Variants in CASQ2 observed in about 807,000 individuals in gnomAD.
CASQ2 encodes calsequestrin 2, also known as calsequestrin-2.
In CASQ2, 49 loss-of-function variants were observed where a neutral mutation model predicts 46.5. The ratio of observed to expected loss-of-function variants is 1.05; its 90% CI spans 0.84 to 1.34. The LOEUF (loss-of-function observed/expected upper bound fraction) is 1.34, where lower values mean the gene tolerates loss of function less well. Ranked by LOEUF, CASQ2 falls within the 40% of genes most tolerant of loss-of-function variation. The pLI, the probability that CASQ2 is intolerant of heterozygous loss-of-function variation, is 0.00. For missense variants in CASQ2, 486 were observed against 481.3 expected (o/e 1.01, Z -0.09); for synonymous variants, 174 against 168.5 (o/e 1.03, Z -0.25).
chr1:115,713,671 T>C (rs1570803741), intron 8 of CASQ2, among the ~76,000 whole-genome samples: 1 of 152,170 alleles, frequency 6.6e-6, no homozygotes, highest in African/African-American at 2.4e-5. Flanking sequence ...TTTTCTTCCC[T>C]AACTAGGCTC....
chr1:115,761,934 A>G (rs1648977277), intron 1 of CASQ2, among the ~76,000 whole-genome samples: 1 of 152,218 alleles, frequency 6.6e-6, no homozygotes, highest in Admixed American at 6.5e-5. Context: ...CTGCCATTTA[A>G]TACCGAAGAA....
At chr1:115,712,229 C>T (rs1420882276) in intron 8 of CASQ2, among the ~76,000 whole-genome samples, 3 of 152,160 alleles carry the variant, frequency 2.0e-5, no homozygotes, top group Non-Finnish European at 4.4e-5. Context: ...GTCAGACATC[C>T]GCGTAGGACA....
chr1:115,744,938 T>G (rs770267264), intron 1 of CASQ2, 26 bp from the exon 2 acceptor site: 2 of 1,500,068 alleles, frequency 1.3e-6, no homozygotes, highest in Non-Finnish European at 9.3e-7. Flanking sequence ...GAAAGATGAG[T>G]GTGCTAAGGG....
chr1:115,704,063 G>A (rs1654291522), intron 9 of CASQ2, among the ~76,000 whole-genome samples: 1 of 152,188 alleles, frequency 6.6e-6, no homozygotes, highest in African/African-American at 2.4e-5. Flanking sequence ...CCATGACTTT[G>A]TTATAATTAC....
intron 3 of CASQ2, among the ~76,000 whole-genome samples, chr1:115,739,080 GAA>G: frequency 7.1e-6 from 1 of 141,672 alleles, no homozygotes; most frequent in South Asian, 2.3e-4. Context: ...AAAAAAAGCT[GAA>G]TAGTATTCCC....
intron 1 of CASQ2, among the ~76,000 whole-genome samples, chr1:115,756,433 T>C (rs1648762279): frequency 6.6e-6 from 1 of 152,194 alleles, no homozygotes; most frequent in Admixed American, 6.5e-5. Context: ...TCATTTTGAA[T>C]GAGCACTAAA....
At chr1:115,761,411 G>A (rs1207162691) in intron 1 of CASQ2, among the ~76,000 whole-genome samples, 2 of 76 alleles carry the variant, frequency 0.026, no homozygotes, top group Non-Finnish European at 0.043. Context: ...AAAAGAAGAA[G>A]AAGAAGAAGA....
At chr1:115,712,062 C>G (rs1654565030) in intron 8 of CASQ2, among the ~76,000 whole-genome samples, 1 of 152,140 alleles carries the variant, frequency 6.6e-6, no homozygotes, top group South Asian at 2.1e-4. Flanking sequence ...TCAGAAAGAC[C>G]TTGTTGGTCT....
chr1:115,717,006 C>G (rs1221865965), intron 8 of CASQ2, among the ~76,000 whole-genome samples: 1 of 152,152 alleles, frequency 6.6e-6, no homozygotes, highest in Middle Eastern at 3.2e-3. Context: ...CCATTCCCCA[C>G]TTGGTATGAG....
intron 3 of CASQ2, among the ~76,000 whole-genome samples, chr1:115,739,190 C>A (rs1648080671): frequency 7.4e-6 from 1 of 135,102 alleles, no homozygotes; most frequent in African/African-American, 2.6e-5. Flanking sequence ...AGGCTCACTG[C>A]AAGCTCCGCC....
At chr1:115,763,101 C>G (rs1649017573) in intron 1 of CASQ2, among the ~76,000 whole-genome samples, 1 of 152,168 alleles carries the variant, frequency 6.6e-6, no homozygotes. Flanking sequence ...TTTGCTTCCC[C>G]TATTACGAAG....
intron 8 of CASQ2, among the ~76,000 whole-genome samples, chr1:115,706,425 A>T (rs1161475342): frequency 6.6e-6 from 1 of 152,140 alleles, no homozygotes; most frequent in African/African-American, 2.4e-5. Context: ...TTGTCTTGTC[A>T]TTCTGAGGAA....
intron 4 of CASQ2, among the ~76,000 whole-genome samples, chr1:115,733,575 T>C (rs1012227887): frequency 6.6e-6 from 1 of 152,200 alleles, no homozygotes; most frequent in African/African-American, 2.4e-5. Context: ...TGATTGACTA[T>C]GGTCTCAAAC....
intron 7 of CASQ2, among the ~76,000 whole-genome samples, chr1:115,723,616 C>T (rs1027664774): frequency 2.6e-5 from 4 of 151,916 alleles, no homozygotes; most frequent in African/African-American, 7.3e-5. Context: ...CAGCTAACTG[C>T]AACTTCTGCC....
chr1:115,752,171 A>T (rs1648606053), intron 1 of CASQ2, among the ~76,000 whole-genome samples: 1 of 152,156 alleles, frequency 6.6e-6, no homozygotes, highest in Non-Finnish European at 1.5e-5. Flanking sequence ...CTGCATTTAA[A>T]TGTCAGTTCC....
intron 9 of CASQ2, among the ~76,000 whole-genome samples, chr1:115,703,634 C>A (rs1654276398): frequency 1.3e-5 from 2 of 152,110 alleles, no homozygotes; most frequent in South Asian, 4.1e-4. Context: ...ACACATAGAA[C>A]TGGCCAGAAG....
At chr1:115,714,647 T>G (rs1479127410) in intron 8 of CASQ2, among the ~76,000 whole-genome samples, 1 of 152,230 alleles carries the variant, frequency 6.6e-6, no homozygotes, top group African/African-American at 2.4e-5. Flanking sequence ...TTCCTAGTCC[T>G]GCAGTCAGGC....
At chr1:115,723,767 G>A (rs1210085264) in intron 7 of CASQ2, among the ~76,000 whole-genome samples, 1 of 152,138 alleles carries the variant, frequency 6.6e-6, no homozygotes, top group Non-Finnish European at 1.5e-5. Flanking sequence ...TCGAACTCCT[G>A]ACGTCAAGTG....
At chr1:115,745,858 C>A (rs900898970) in intron 1 of CASQ2, among the ~76,000 whole-genome samples, 9 of 152,178 alleles carry the variant, frequency 5.9e-5, no homozygotes, top group Non-Finnish European at 1.0e-4. Context: ...ACAGTAACAT[C>A]TTGCAAAACG....
Sources: allele counts gnomAD v4.1 joint callset (sites outside exome capture counted in the v4.1 genomes callset), GRCh38; gene constraint gnomAD v4.1.1; transcripts MANE v1.5; gene names NCBI Gene and HGNC (gene_info 2026-07-23, HGNC 2026-07-21).